ARHGAP15: variants seen among roughly 807,000 people sequenced by gnomAD.
ARHGAP15 encodes Rho GTPase activating protein 15.
In ARHGAP15, 51 loss-of-function variants were observed where a neutral mutation model predicts 63.7. The ratio of observed to expected loss-of-function variants is 0.80; its 90% CI spans 0.64 to 1.01. The LOEUF (loss-of-function observed/expected upper bound fraction) is 1.01. ARHGAP15 is among the 50% of genes least tolerant of loss of function. The probability of loss-of-function intolerance (pLI) is 0.00; values close to 1 mark genes in which losing one functional copy is unlikely to be tolerated. For missense variants in ARHGAP15, 560 were observed against 564.6 expected (o/e 0.99, Z 0.08); for synonymous variants, 191 against 193.8 (o/e 0.99, Z 0.12).
intron 11 of ARHGAP15, among the ~76,000 whole-genome samples, chr2:143,559,666 C>G (rs1309658337): frequency 6.6e-6 from 1 of 152,204 alleles, no homozygotes; most frequent in Non-Finnish European, 1.5e-5. Context: ...ACCTTCCCCT[C>G]CATCTGGACC....
chr2:143,717,907 G>A (rs1160655001), intron 13 of ARHGAP15, among the ~76,000 whole-genome samples: 1 of 151,222 alleles, frequency 6.6e-6, no homozygotes, highest in Non-Finnish European at 1.5e-5. Flanking sequence ...AGGATCTTCT[G>A]GGGTTTTTTA....
chr2:143,381,949 T>C (rs535155850), intron 6 of ARHGAP15, among the ~76,000 whole-genome samples: 13 of 152,238 alleles, frequency 8.5e-5, no homozygotes, highest in African/African-American at 2.9e-4. Flanking sequence ...CTTTGTATCT[T>C]TTTCTTATGT....
intron 4 of ARHGAP15, among the ~76,000 whole-genome samples, chr2:143,218,932 G>A (rs181265006): frequency 2.0e-4 from 30 of 152,314 alleles, no homozygotes; most frequent in Admixed American, 3.3e-4. Flanking sequence ...CTACCATGTC[G>A]CTAGGCAATA....
At chr2:143,291,195 A>G (rs6711007) in intron 6 of ARHGAP15, among the ~76,000 whole-genome samples, 6,769 of 152,234 alleles carry the variant, frequency 0.044, 486 homozygotes, top group African/African-American at 0.15. Context: ...AATACAGCAA[A>G]TAAATTGGTT....
At chr2:143,358,920 A>C (rs1220363545) in intron 6 of ARHGAP15, among the ~76,000 whole-genome samples, 2 of 151,564 alleles carry the variant, frequency 1.3e-5, no homozygotes, top group Non-Finnish European at 2.9e-5. Context: ...CCATCTGTTT[A>C]ATGTAAAAAA....
chr2:143,174,322 C>T (rs1322909689), intron 2 of ARHGAP15, among the ~76,000 whole-genome samples: 1 of 152,100 alleles, frequency 6.6e-6, no homozygotes, highest in Non-Finnish European at 1.5e-5. Flanking sequence ...ACCAAATGAG[C>T]AGCTTAATAG....
At chr2:143,640,487 G>A (rs961333482) in intron 12 of ARHGAP15, among the ~76,000 whole-genome samples, 4 of 151,964 alleles carry the variant, frequency 2.6e-5, no homozygotes, top group Non-Finnish European at 4.4e-5. Context: ...TCTACATGTC[G>A]AAGAAGTATT....
At chr2:143,509,709 GA>G in intron 9 of ARHGAP15, among the ~76,000 whole-genome samples, 1 of 152,214 alleles carries the variant, frequency 6.6e-6, no homozygotes, top group Non-Finnish European at 1.5e-5. Flanking sequence ...GGTGGGAACA[GA>G]ACTGGAGAAA....
chr2:143,256,934 G>A (rs1448434185), intron 6 of ARHGAP15, among the ~76,000 whole-genome samples: 1 of 152,018 alleles, frequency 6.6e-6, no homozygotes, highest in Admixed American at 6.6e-5. Flanking sequence ...GAAGATGGAT[G>A]GAAAGTACAT....
intron 7 of ARHGAP15, among the ~76,000 whole-genome samples, chr2:143,436,197 T>G (rs1363729321): frequency 6.6e-6 from 1 of 152,158 alleles, no homozygotes; most frequent in Non-Finnish European, 1.5e-5. Context: ...AAAACATACA[T>G]TCAGAGTATG....
Position 143,261,013 on chromosome 2 carries a change from C to A in ARHGAP15, c.474+10413C>A, listed in dbSNP as rs377173378. Among the ~76,000 whole-genome samples the A allele has an allele frequency of 4.6e-5, 7 of 152,240 alleles. No individual in the cohort carries two copies. The South Asian group carries it at 6.2e-4, about 14-fold the overall frequency. On this transcript the variant is annotated intron_variant, in intron 6 of 13. Transcript: ENST00000295095. The stretch of plus-strand genomic sequence containing the variant: ...ATTCTCCTAATAGACTTGGATACAA[C>A]CCTGTGGTGGTTTCTAATGGCTCCA...
In ARHGAP15 at chr2:143,265,503, C is replaced by T. The variant is rs190137726; in HGVS notation, c.474+14903C>T. On this transcript the variant is annotated intron_variant, in intron 6 of 13. Coordinates refer to ENST00000295095, the MANE Select transcript of ARHGAP15 (RefSeq NM_018460.4). ...TATTTTTATTGCAAATGGTATTTTG[C>T]TATTTGTTTCTAAAAGTTGAAAATG... Among the ~76,000 whole-genome samples, 5 of 152,176 alleles carry T rather than the reference C, an allele frequency of 3.3e-5. No homozygotes were observed. In the East Asian group the frequency reaches 9.7e-4, roughly 29 times the overall value.
intron 2 of ARHGAP15, among the ~76,000 whole-genome samples, chr2:143,190,278 C>T (rs1691629595): frequency 6.6e-6 from 1 of 152,152 alleles, no homozygotes; most frequent in South Asian, 2.1e-4. Flanking sequence ...GGAGCAGGGG[C>T]ACTGGACTTC....
At chr2:143,654,056 G>C (rs1681308693) in intron 12 of ARHGAP15, among the ~76,000 whole-genome samples, 1 of 152,184 alleles carries the variant, frequency 6.6e-6, no homozygotes. Context: ...GGGCTAGGGA[G>C]TCAGTGAAGA....
intron 12 of ARHGAP15, among the ~76,000 whole-genome samples, chr2:143,673,308 C>A (rs921661104): frequency 6.6e-6 from 1 of 151,726 alleles, no homozygotes; most frequent in Non-Finnish European, 1.5e-5. Flanking sequence ...ATAACACAAT[C>A]TTTTTTTTAG....
At chr2:143,156,305 T>A (rs1574022771) in intron 2 of ARHGAP15, among the ~76,000 whole-genome samples, 1 of 151,914 alleles carries the variant, frequency 6.6e-6, no homozygotes, top group African/African-American at 2.4e-5. Flanking sequence ...TTGCGATGAG[T>A]CTCCTCTGGT....
chr2:143,438,563 G>A (rs989987623), intron 8 of ARHGAP15, among the ~76,000 whole-genome samples: 1 of 152,178 alleles, frequency 6.6e-6, no homozygotes, highest in Non-Finnish European at 1.5e-5. Flanking sequence ...CATTTACTTA[G>A]CCAGTTGTGC....
intron 3 of ARHGAP15, among the ~76,000 whole-genome samples, chr2:143,205,910 A>G (rs1230205938): frequency 6.6e-6 from 1 of 152,000 alleles, no homozygotes; most frequent in Admixed American, 6.6e-5. Context: ...TTCTGACCTT[A>G]TCATACCCTA....
At chr2:143,697,557 G>A (rs1161441570) in intron 12 of ARHGAP15, among the ~76,000 whole-genome samples, 13 of 152,132 alleles carry the variant, frequency 8.5e-5, no homozygotes, top group African/African-American at 2.9e-4. Flanking sequence ...CCTGAGAAGT[G>A]GTATGTCACT....
Sources: allele counts gnomAD v4.1 joint callset (sites outside exome capture counted in the v4.1 genomes callset), GRCh38; gene constraint gnomAD v4.1.1; transcripts MANE v1.5; gene names NCBI Gene and HGNC (gene_info 2026-07-23, HGNC 2026-07-21).